The following MACF1 variants were observed in gnomAD, a reference collection of about 807,000 sequenced individuals.
MACF1 encodes the protein microtubule actin crosslinking factor 1.
A neutral mutation model predicts 854.8 loss-of-function variants in MACF1; 193 were observed. That is an observed-to-expected ratio of 0.23 (90% CI 0.20 to 0.25). MACF1 has a LOEUF of 0.25. Ranked by LOEUF, MACF1 falls within the 10% of genes least tolerant of loss-of-function variation. The pLI is 1.00. For missense variants in MACF1, 7,722 were observed against 8,929.1 expected, an observed-to-expected ratio of 0.86 and a Z score of 5.45; for synonymous variants, 3,185 against 3,226.7, an observed-to-expected ratio of 0.99 and a Z score of 0.44.
intron 2 of MACF1, among the ~76,000 whole-genome samples, chr1:39,165,102 G>C (rs1040409097): frequency 6.6e-6 from 1 of 152,218 alleles, no homozygotes; most frequent in Non-Finnish European, 1.5e-5. Context: ...GTAGGACTTT[G>C]TGTGTAGGGG....
chr1:39,438,881 G>A (rs192223088), intron 71 of MACF1, among the ~76,000 whole-genome samples: 445 of 151,964 alleles, frequency 2.9e-3, no homozygotes, highest in Non-Finnish European at 5.1e-3. Flanking sequence ...TCAGGAGTTC[G>A]AGACCAGCCT....
At chr1:39,268,073 A>G (rs7550098) in intron 6 of MACF1, among the ~76,000 whole-genome samples, 1 of 152,152 alleles carries the variant, frequency 6.6e-6, no homozygotes, top group African/African-American at 2.4e-5. Context: ...AACACTTAAA[A>G]TCTATTTCAT....
Position 39,335,415 on chromosome 1 carries a change from AT to A in MACF1, c.8831del (p.Leu2944TrpfsTer24), listed in dbSNP as rs1557594785. The A allele has an allele frequency of 6.2e-7, 1 of 1,614,180 alleles. No homozygotes were observed. The highest frequency in any genetic ancestry group is 8.5e-7 in the Non-Finnish European group (1 of 1,180,018). On this transcript the variant is annotated frameshift_variant, in exon 37 of 101. Transcript: ENST00000564288. LOFTEE classifies it high-confidence loss of function. ...EEIRENQGEV[I>X]LEVQETYCET... ...AATAAGAGAAAATCAAGGGGAAGTG[AT>A]TTTGGAAGTACAAGAAACATATTGT...
chr1:39,247,068 A>ATTTTT (rs58410726), intron 2 of MACF1, among the ~76,000 whole-genome samples: 3 of 93,508 alleles, frequency 3.2e-5, no homozygotes, highest in African/African-American at 8.6e-5. Context: ...TGCCCGGCTA[A>ATTTTT]TTTTTTTTTT....
Position 39,361,493 on chromosome 1 carries a change from G to C in MACF1, c.12587G>C (p.Arg4196Pro). The change falls in exon 49 of 101, where the codon CGG becomes CCG. Residue 4196 changes from arginine (R) to proline (P), a missense_variant. By Grantham distance (103) the Arg-to-Pro change is moderately radical (BLOSUM62 -2). Transcript: ENST00000564288. Reference protein sequence around the residue: ...LQGKLAEVSQRFEQLCLQQQE... With the variant: ...LQGKLAEVSQPFEQLCLQQQE... ...GGCAAACTGGCAGAGGTGAGCCAGCGGTTCGAACAGCTCTGTCTACAGCAG... is the reference window on the plus strand; with the variant it reads ...GGCAAACTGGCAGAGGTGAGCCAGCCGTTCGAACAGCTCTGTCTACAGCAG... The C allele has an allele frequency of 5.0e-6, 8 of 1,614,158 alleles. No individual in the cohort carries two copies. The highest frequency in any genetic ancestry group is 6.8e-6 in the Non-Finnish European group (8 of 1,180,046).
chr1:39,155,468 C>G (rs921107112), intron 2 of MACF1, among the ~76,000 whole-genome samples: 2 of 152,144 alleles, frequency 1.3e-5, no homozygotes, highest in African/African-American at 4.8e-5. Context: ...GCTGATTGAT[C>G]ATTCCTTTAC....
intron 2 of MACF1, among the ~76,000 whole-genome samples, chr1:39,117,616 A>C (rs1239400894): frequency 6.6e-6 from 1 of 150,656 alleles, no homozygotes; most frequent in Non-Finnish European, 1.5e-5. Context: ...TGAATGGTTG[A>C]CTTCAGGGCA....
At chr1:39,140,758 T>TA (rs1390257885) in intron 2 of MACF1, among the ~76,000 whole-genome samples, 6 of 151,448 alleles carry the variant, frequency 4.0e-5, no homozygotes, top group African/African-American at 1.5e-4. Flanking sequence ...CTACTAAAAA[T>TA]ACGAAAATTA....
Position 39,468,611 on chromosome 1 carries a change from A to G in MACF1, c.21772-4A>G, listed in dbSNP as rs1280804966. ...TATTAATTAAGTTTCCTTTGATTCT[A>G]CAGTTTGGGGATTCTCAGCAGTTGC... On this transcript the variant is annotated splice_region_variant and splice_polypyrimidine_tract_variant and intron_variant, in intron 95 of 100. Coordinates refer to ENST00000564288, the MANE Select transcript of MACF1 (RefSeq NM_001394062.1). 6.2e-7 allele frequency: 1 copy of G among 1,611,484 alleles called. No individual in the cohort carries two copies. Among genetic ancestry groups the G allele is most frequent in the Non-Finnish European group, 8.5e-7 (1 of 1,177,616 alleles).
At chr1:39,442,122 T>A in intron 75 of MACF1, 25 bp from the exon 76 acceptor site, 1 of 1,591,372 alleles carries the variant, frequency 6.3e-7, no homozygotes. Context: ...TGATTTGATG[T>A]TAACATTGAG....
At chr1:39,135,735 T>C (rs1643150381) in intron 2 of MACF1, among the ~76,000 whole-genome samples, 1 of 152,124 alleles carries the variant, frequency 6.6e-6, no homozygotes, top group Non-Finnish European at 1.5e-5. Context: ...GGTCCAGACC[T>C]GGCAGAATTC....
At position 39,388,145 on chromosome 1, in the gene MACF1, C is replaced by A; in HGVS notation, c.15303C>A (p.Leu5101=). 1 of 1,614,038 alleles carries A rather than the reference C, an allele frequency of 6.2e-7. No homozygotes were observed. The highest frequency in any genetic ancestry group is 8.5e-7 in the Non-Finnish European group (1 of 1,180,036). Residue 5101 remains leucine, a synonymous_variant, in exon 58 of 101, where the codon CTC becomes CTA. Transcript: ENST00000564288. ...CTGAGGTCGCCCAGCAAGAGTTCCT[C>A]GAAGTTAAGCAAAGAGTGAACAGTG... ...HQAEVAQQEF[L]EVKQRVNSGC...
chr1:39,304,753 G>A lies in MACF1; in HGVS notation c.2789+1675G>A, dbSNP rs149028456. ...TAATTTTTTGGATTTTAGTAGAGAC[G>A]GAGTTTCACCATGTTAGCCAGGATG... On this transcript the variant is annotated intron_variant, in intron 23 of 100. Coordinates refer to ENST00000564288, the MANE Select transcript of MACF1 (RefSeq NM_001394062.1). The A allele has an allele frequency of 1.1e-3, 375 of 330,424 alleles. 5 individuals carry two copies. The East Asian group carries it at 0.012, about 10-fold the overall frequency. The allele number at this position is 330,424 out of a possible 1,614,324, so 20.5% of individuals were successfully genotyped here.
chr1:39,267,161 G>A (rs903719597), intron 6 of MACF1, among the ~76,000 whole-genome samples: 1 of 152,208 alleles, frequency 6.6e-6, no homozygotes, highest in Non-Finnish European at 1.5e-5. Context: ...GTTAACAGAA[G>A]TTCATGTTCT....
At chr1:39,390,058 G>A (rs1641970192) in intron 58 of MACF1, among the ~76,000 whole-genome samples, 1 of 152,226 alleles carries the variant, frequency 6.6e-6, no homozygotes, top group Non-Finnish European at 1.5e-5. Context: ...TGGGTTAGGA[G>A]CACATCTGTT....
intron 70 of MACF1, chr1:39,436,596 T>A: frequency 1.9e-6 from 2 of 1,055,534 alleles, no homozygotes; most frequent in Non-Finnish European, 3.0e-6. Flanking sequence ...TAAATTTAAT[T>A]AGTGCAGTTT....
At chr1:39,407,655 A>AC (rs1642764014) in intron 58 of MACF1, among the ~76,000 whole-genome samples, 1 of 152,208 alleles carries the variant, frequency 6.6e-6, no homozygotes, top group Non-Finnish European at 1.5e-5. Context: ...TACAGGCTTC[A>AC]GCGCACTTCT....
chr1:39,381,285 G>A (rs1458961252), intron 55 of MACF1, among the ~76,000 whole-genome samples: 3 of 147,062 alleles, frequency 2.0e-5, no homozygotes, highest in South Asian at 2.2e-4. Flanking sequence ...TCGAACTCCC[G>A]ACCTCAAGTG....
intron 2 of MACF1, among the ~76,000 whole-genome samples, chr1:39,123,962 C>CA (rs1444585871): frequency 2.0e-5 from 3 of 151,754 alleles, no homozygotes; most frequent in Admixed American, 2.0e-4. Context: ...TGGCTGGTCT[C>CA]AAACTCCTGA....
Sources: gnomAD v4.1 joint callset for allele counts (sites outside exome capture counted in the v4.1 genomes callset) on GRCh38, gnomAD v4.1.1 for gene constraint, MANE v1.5 for transcripts, NCBI Gene and HGNC (gene_info 2026-07-23, HGNC 2026-07-21) for gene names.